The following NTM variants were observed in gnomAD, a reference collection of about 807,000 sequenced individuals.
NTM encodes the protein IgLON family member 2.
In NTM, 13 loss-of-function variants were observed where a neutral mutation model predicts 42.1. That is an observed-to-expected ratio of 0.31 (90% CI 0.20 to 0.49). NTM has a LOEUF of 0.49. NTM is among the 20% of genes least tolerant of loss of function. The pLI is 0.99. For synonymous variants in NTM, 187 were observed against 179.2 expected, an observed-to-expected ratio of 1.04 and a Z score of -0.35; for missense variants, 373 against 452.8, an observed-to-expected ratio of 0.82 and a Z score of 1.60.
At chr11:132,227,854 G>A (rs541122252) in intron 4 of NTM, among the ~76,000 whole-genome samples, 3 of 152,218 alleles carry the variant, frequency 2.0e-5, no homozygotes, top group Non-Finnish European at 2.9e-5. Context: ...GCACTTACGG[G>A]AAAAATTGCT....
chr11:132,169,294 A>G (rs2075759116), intron 3 of NTM, among the ~76,000 whole-genome samples: 1 of 124,824 alleles, frequency 8.0e-6, no homozygotes, highest in Admixed American at 8.9e-5. Context: ...TATTAGCCAG[A>G]GTGATATCTA....
chr11:131,752,343 C>T (rs1180577852), intron 1 of NTM, among the ~76,000 whole-genome samples: 1 of 152,152 alleles, frequency 6.6e-6, no homozygotes, highest in Non-Finnish European at 1.5e-5. Context: ...AATGAGATAC[C>T]ATCTCACACC....
At chr11:132,059,920 C>T (rs1345879879) in intron 2 of NTM, among the ~76,000 whole-genome samples, 1 of 152,182 alleles carries the variant, frequency 6.6e-6, no homozygotes, top group Non-Finnish European at 1.5e-5. Context: ...GCAATGGGTT[C>T]TCTGGAGTCC....
chr11:131,718,336 G>A (rs1159001837), intron 1 of NTM, among the ~76,000 whole-genome samples: 2 of 152,130 alleles, frequency 1.3e-5, no homozygotes, highest in African/African-American at 4.8e-5. Flanking sequence ...AGCCAGCTGA[G>A]CTTACAAGTG....
intron 1 of NTM, among the ~76,000 whole-genome samples, chr11:131,812,233 C>G (rs1293933804): frequency 7.4e-6 from 1 of 135,210 alleles, no homozygotes; most frequent in Non-Finnish European, 1.6e-5. Context: ...CCCCTTCCTC[C>G]CTCTCATTCT....
intron 1 of NTM, among the ~76,000 whole-genome samples, chr11:131,744,764 A>G (rs1028617956): frequency 2.0e-5 from 3 of 152,194 alleles, no homozygotes; most frequent in Non-Finnish European, 4.4e-5. Flanking sequence ...GGATGCAGGA[A>G]TAGAATATGG....
At chr11:131,828,384 C>A (rs1287556988) in intron 1 of NTM, among the ~76,000 whole-genome samples, 2 of 152,012 alleles carry the variant, frequency 1.3e-5, no homozygotes, top group Non-Finnish European at 2.9e-5. Flanking sequence ...GCAACATCAC[C>A]ACCATCACTC....
chr11:131,892,771 C>T (rs887334292), intron 1 of NTM, among the ~76,000 whole-genome samples: 5 of 152,226 alleles, frequency 3.3e-5, no homozygotes, highest in Non-Finnish European at 7.3e-5. Flanking sequence ...CAGGCCAGCC[C>T]GGCATCCCCA....
chr11:131,375,526 T>A (rs1941848038), intron 1 of NTM, among the ~76,000 whole-genome samples: 1 of 152,180 alleles, frequency 6.6e-6, no homozygotes, highest in African/African-American at 2.4e-5. Flanking sequence ...TGCTTCATCT[T>A]ATCAGAGAGT....
chr11:131,581,031 G>C (rs562326440), intron 1 of NTM, among the ~76,000 whole-genome samples: 1 of 152,186 alleles, frequency 6.6e-6, no homozygotes, highest in Non-Finnish European at 1.5e-5. Context: ...GAGGCCCTGG[G>C]TTATTGCTAA....
chr11:131,748,354 G>A (rs1415271429), intron 1 of NTM, among the ~76,000 whole-genome samples: 5 of 152,204 alleles, frequency 3.3e-5, no homozygotes, highest in East Asian at 1.9e-4. Flanking sequence ...GATTCTCACC[G>A]GCAGGGGTCA....
chr11:132,043,481 T>C (rs978131388), intron 2 of NTM, among the ~76,000 whole-genome samples: 4 of 152,228 alleles, frequency 2.6e-5, no homozygotes, highest in Non-Finnish European at 5.9e-5. Flanking sequence ...TGTACAATTA[T>C]TGAAGTCCAG....
At chr11:132,256,545 A>G (rs2092483849) in intron 4 of NTM, among the ~76,000 whole-genome samples, 1 of 151,698 alleles carries the variant, frequency 6.6e-6, no homozygotes, top group African/African-American at 2.4e-5. Context: ...TCTTCCTCTC[A>G]TTCCTGGCTC....
intron 1 of NTM, among the ~76,000 whole-genome samples, chr11:131,667,554 C>T (rs1053930652): frequency 2.6e-5 from 4 of 152,144 alleles, no homozygotes; most frequent in African/African-American, 9.7e-5. Context: ...TTCTTTTGCC[C>T]CCAGTGAGCT....
chr11:131,487,018 C>CA (rs780519765), intron 1 of NTM, among the ~76,000 whole-genome samples: 6 of 152,130 alleles, frequency 3.9e-5, no homozygotes, highest in Non-Finnish European at 7.3e-5. Flanking sequence ...CATTCAGTAG[C>CA]ACCACGCACC....
intron 2 of NTM, among the ~76,000 whole-genome samples, chr11:132,089,826 T>C (rs1057102361): frequency 6.6e-5 from 10 of 152,362 alleles, no homozygotes; most frequent in African/African-American, 2.2e-4. Flanking sequence ...TCAAAATGTC[T>C]TATTGTTCTT....
chr11:131,412,805 C>CGTGTGTGT (rs34653452), intron 1 of NTM, among the ~76,000 whole-genome samples: 2 of 151,152 alleles, frequency 1.3e-5, no homozygotes, highest in Non-Finnish European at 3.0e-5. Context: ...TCTTACGGGG[C>CGTGTGTGT]GTGTGTGTGT....
At chr11:132,293,236 T>C (rs2094508937) in intron 4 of NTM, among the ~76,000 whole-genome samples, 1 of 152,198 alleles carries the variant, frequency 6.6e-6, no homozygotes, top group African/African-American at 2.4e-5. Flanking sequence ...TTAGATAATA[T>C]GAGCCTTAAA....
chr11:132,111,902 G>A lies in NTM; in HGVS notation c.168-34380G>A, dbSNP rs561740410. The stretch of plus-strand genomic sequence containing the variant: ...TTTCTGGCGAGGTTGTCAGTGATTC[G>A]TGCTTGAGGCAGAAGGAAACCAGTT... On this transcript the variant is annotated intron_variant, in intron 2 of 8. Coordinates refer to ENST00000683400, the MANE Select transcript of NTM (RefSeq NM_001352005.2). Among the ~76,000 whole-genome samples, 114 of 152,332 alleles carry A rather than the reference G, an allele frequency of 7.5e-4. 1 individual carries two copies. Among genetic ancestry groups the A allele is most frequent in the South Asian group, 4.3e-3 (21 of 4,830 alleles).
Sources: gnomAD v4.1 joint callset for allele counts (sites outside exome capture counted in the v4.1 genomes callset) on GRCh38, gnomAD v4.1.1 for gene constraint, MANE v1.5 for transcripts, NCBI Gene and HGNC (gene_info 2026-07-23, HGNC 2026-07-21) for gene names.